Variants in MYH11 observed in about 807,000 individuals in gnomAD.
MYH11 encodes myosin heavy chain 11.
MYH11 carries 80 observed loss-of-function variants against 246.6 expected under a neutral mutation model. The observed-to-expected ratio is 0.32, with a 90% CI of 0.27 to 0.39. The LOEUF is 0.39. Among genes scored for constraint, MYH11 ranks in the 10% least tolerant of loss-of-function variants. The pLI is 1.00. For synonymous variants in MYH11, 1,071 were observed against 1,015.5 expected (o/e 1.05, Z -1.04); for missense variants, 2,158 against 2,546.8 (o/e 0.85, Z 3.29).
chr16:15,824,279 T>A (rs891170120), intron 2 of MYH11, among the ~76,000 whole-genome samples: 1 of 146,752 alleles, frequency 6.8e-6, no homozygotes, highest in Admixed American at 6.6e-5. Context: ...GAATGTTGTT[T>A]ACTTTTTTTT....
At chr16:15,708,743 T>TG in intron 40 of MYH11, 1 of 1,556,904 alleles carries the variant, frequency 6.4e-7, no homozygotes, top group Admixed American at 1.9e-5. Context: ...AGGGGCGCAT[T>TG]GGGCAGAAAA....
At chr16:15,742,778 C>A (rs1248599854) in intron 20 of MYH11, among the ~76,000 whole-genome samples, 1 of 151,912 alleles carries the variant, frequency 6.6e-6, no homozygotes, top group Non-Finnish European at 1.5e-5. Flanking sequence ...TTACCCCATG[C>A]TGTTACATCA....
intron 2 of MYH11, among the ~76,000 whole-genome samples, chr16:15,832,006 C>T (rs1414942267): frequency 6.6e-6 from 1 of 151,996 alleles, no homozygotes; most frequent in African/African-American, 2.4e-5. Flanking sequence ...GTTACAGTGT[C>T]TTTCTACCCT....
intron 4 of MYH11, among the ~76,000 whole-genome samples, chr16:15,786,981 G>A (rs1291890198): frequency 2.6e-5 from 4 of 152,194 alleles, no homozygotes; most frequent in African/African-American, 9.6e-5. Flanking sequence ...TACAAAGAGT[G>A]AAAAGGTGGG....
At chr16:15,820,703 C>T (rs1274671894) in intron 3 of MYH11, among the ~76,000 whole-genome samples, 1 of 152,100 alleles carries the variant, frequency 6.6e-6, no homozygotes, top group Admixed American at 6.5e-5. Flanking sequence ...TCGTTTTATG[C>T]TCACATGATT....
chr16:15,793,498 C>T (rs764597973), intron 4 of MYH11, among the ~76,000 whole-genome samples: 18 of 152,016 alleles, frequency 1.2e-4, no homozygotes, highest in Non-Finnish European at 2.2e-4. Flanking sequence ...TTACTGTGTT[C>T]CTCAGTTTGG....
At chr16:15,767,753 G>C (rs1239205233) in intron 9 of MYH11, among the ~76,000 whole-genome samples, 1 of 151,944 alleles carries the variant, frequency 6.6e-6, no homozygotes, top group Non-Finnish European at 1.5e-5. Context: ...ATGGACAGAA[G>C]AGAAGACCCA....
intron 13 of MYH11, among the ~76,000 whole-genome samples, chr16:15,757,292 G>T (rs1756625985): frequency 6.6e-6 from 1 of 151,062 alleles, no homozygotes; most frequent in Non-Finnish European, 1.5e-5. Context: ...AAATAGCTGG[G>T]ACCACAGGCG....
intron 38 of MYH11, among the ~76,000 whole-genome samples, chr16:15,715,892 G>A (rs1243883775): frequency 2.0e-5 from 3 of 152,130 alleles, no homozygotes; most frequent in Admixed American, 6.6e-5. Context: ...CTGGGAGGCC[G>A]AGGTGGGCAG....
intron 15 of MYH11, among the ~76,000 whole-genome samples, chr16:15,752,386 G>A (rs1330128826): frequency 1.3e-5 from 2 of 152,020 alleles, no homozygotes; most frequent in African/African-American, 2.4e-5. Context: ...GGGACAAACA[G>A]CAAACCCCCT....
At position 15,715,079 on chromosome 16, in the gene MYH11, T is replaced by C. The variant is rs1328469024; in HGVS notation, c.5616A>G (p.Ala1872=). 6.3e-6 allele frequency: 10 copies of C among 1,598,772 alleles called. No individual in the cohort carries two copies. The African/African-American group carries it at 8.1e-5, about 13-fold the overall frequency. ...GCTTGACCCTGGCATTGCCTTTCTC[T>C]GCCTGTCGCGGAGAGTTGGAGGGGT... is the stretch of plus-strand genomic sequence containing the variant. ...RKMAEQYKEQ[A]EKGNARVKQL... Residue 1872 remains alanine (A), a splice_region_variant and synonymous_variant, in exon 40 of 41, where the codon GCA becomes GCG. Coordinates refer to ENST00000300036, the MANE Select transcript of MYH11 (RefSeq NM_002474.3).
At chr16:15,763,741 T>TCAGCCCCCC in intron 10 of MYH11, 55 bp downstream of exon 10, 1 of 646,862 alleles carries the variant, frequency 1.5e-6, no homozygotes, top group Non-Finnish European at 2.9e-6. Flanking sequence ...AAATGTCACC[T>TCAGCCCCCC]CCCCCACCCC....
chr16:15,720,746 G>C, intron 33 of MYH11, 93 bp downstream of exon 33: 1 of 1,320,652 alleles, frequency 7.6e-7, no homozygotes, highest in Non-Finnish European at 1.0e-6. Flanking sequence ...AAAAAATAAA[G>C]AAAACGAAGT....
At chr16:15,798,961 G>A (rs375739263) in intron 3 of MYH11, among the ~76,000 whole-genome samples, 4 of 152,286 alleles carry the variant, frequency 2.6e-5, no homozygotes, top group African/African-American at 9.6e-5. Context: ...CAGCTCTGGA[G>A]GTGTCCCGGG....
At chr16:15,840,072 T>C (rs1308290764) in intron 1 of MYH11, among the ~76,000 whole-genome samples, 1 of 151,738 alleles carries the variant, frequency 6.6e-6, no homozygotes, top group African/African-American at 2.4e-5. Context: ...AAAAAAGAGT[T>C]GCCAGTGGCA....
rs766128901 is a variant in MYH11 at position 15,823,229 on chromosome 16, C to T, written c.502+26G>A. 3.7e-6 allele frequency: 6 copies of T among 1,613,434 alleles called. No homozygotes were observed. In the Admixed American group the frequency reaches 8.3e-5, roughly 22 times the overall value. On this transcript the variant is annotated intron_variant, in intron 3 of 40. Coordinates refer to ENST00000300036, the MANE Select transcript of MYH11 (RefSeq NM_002474.3). ...GACAGGAGGGGCTCCCTGGAGCTGG[C>T]CCCGTGCAGCCCTGAGTTCACTCAC...
Position 15,717,134 on chromosome 16 carries a change from G to C in MYH11, c.5504+6C>G. Reference sequence around the variant, plus strand: ...AAACTGGGTTCGGAACTCCACACCCGCATACCTGGCCTCCTGCTCGACCTG... The same window carrying C: ...AAACTGGGTTCGGAACTCCACACCCCCATACCTGGCCTCCTGCTCGACCTG... On this transcript the variant is annotated splice_donor_region_variant and intron_variant, in intron 38 of 40. Transcript: ENST00000300036. The C allele has an allele frequency of 1.9e-6, 3 of 1,614,066 alleles. No homozygotes were observed. The highest frequency in any genetic ancestry group is 2.5e-6 in the Non-Finnish European group (3 of 1,179,954).
Position 15,740,187 on chromosome 16 carries a change from T to A in MYH11, c.2861A>T (p.Asp954Val), listed in dbSNP as rs758880935. Residue 954 changes from aspartate to valine, a missense_variant and splice_region_variant, in exon 23 of 41, where the codon GAC becomes GTC. Physicochemically the swap from Asp to Val is radical, Grantham distance 152. Coordinates refer to ENST00000300036, the MANE Select transcript of MYH11 (RefSeq NM_002474.3). Reference protein sequence around the residue: ...ERKKMAQQMLDLEEQLEEEEA... With the variant: ...ERKKMAQQMLVLEEQLEEEEA... ...CTCCTCCTCCAGCTGTTCTTCAAGG[T>A]CCTTTGTTGTGGAGGGAAAAGAGTA... 5.6e-6 allele frequency: 9 copies of A among 1,614,066 alleles called. No individual in the cohort carries two copies. In the Middle Eastern group the frequency reaches 4.9e-4, roughly 88 times the overall value.
At chr16:15,797,577 A>C (rs1165739747) in intron 4 of MYH11, among the ~76,000 whole-genome samples, 1 of 148,344 alleles carries the variant, frequency 6.7e-6, no homozygotes, top group Admixed American at 6.8e-5. Context: ...TAAATATAAT[A>C]CATATTATAT....
Sources: allele counts gnomAD v4.1 joint callset (sites outside exome capture counted in the v4.1 genomes callset), GRCh38; gene constraint gnomAD v4.1.1; transcripts MANE v1.5; gene names NCBI Gene and HGNC (gene_info 2026-07-23, HGNC 2026-07-21).